The following MYH11 variants were observed in gnomAD, a reference collection of about 807,000 sequenced individuals.
MYH11 encodes the protein myosin-11.
MYH11 carries 80 observed loss-of-function variants against 246.6 expected under a neutral mutation model. The ratio of observed to expected loss-of-function variants is 0.32; its 90% CI spans 0.27 to 0.39. The LOEUF (loss-of-function observed/expected upper bound fraction) is 0.39. Ranked by LOEUF, MYH11 falls within the 10% of genes least tolerant of loss-of-function variation. MYH11 has a pLI of 1.00. For missense variants in MYH11, 2,158 were observed against 2,546.8 expected (o/e 0.85, Z 3.29); for synonymous variants, 1,071 against 1,015.5 (o/e 1.05, Z -1.04).
chr16:15,739,603 G>A (rs2041214100), intron 23 of MYH11, among the ~76,000 whole-genome samples: 1 of 152,194 alleles, frequency 6.6e-6, no homozygotes, highest in African/African-American at 2.4e-5. Context: ...AGCAGGTGGG[G>A]CTGGTTAGTG....
chr16:15,726,704 C>G, intron 28 of MYH11, 144 bp downstream of exon 28: 1 of 935,056 alleles, frequency 1.1e-6, no homozygotes. Context: ...ACAGGGAGAT[C>G]ATCGCCTCTC....
intron 3 of MYH11, among the ~76,000 whole-genome samples, chr16:15,817,460 G>C (rs1256197015): frequency 6.6e-6 from 1 of 152,094 alleles, no homozygotes; most frequent in Non-Finnish European, 1.5e-5. Context: ...CCACTGAGCT[G>C]AGATCGTGCT....
chr16:15,750,371 C>T lies in MYH11; in HGVS notation c.1865-40G>A, dbSNP rs754215653. ...CAGGGTGGCATCAGCCTCTGGCCCA[C>T]CCACCCCTAAATAGGCCAGAGGCTC... is the stretch of plus-strand genomic sequence containing the variant. On this transcript the variant is annotated intron_variant, in intron 15 of 40. Transcript: ENST00000300036. This position sits in a 1 kb window ranked among gnomAD's most constrained non-coding sequence, Gnocchi z 4.3. 6.5e-7 allele frequency: 1 copy of T among 1,548,984 alleles called. No homozygotes were observed.
chr16:15,799,621 G>A (rs1405687806), intron 3 of MYH11, among the ~76,000 whole-genome samples: 2 of 152,204 alleles, frequency 1.3e-5, no homozygotes, highest in Non-Finnish European at 2.9e-5. Context: ...CTCTGAGGTG[G>A]AGCCAGGCTC....
At chr16:15,708,739 G>A (rs914265949) in intron 40 of MYH11, 23 of 1,518,836 alleles carry the variant, frequency 1.5e-5, no homozygotes, top group South Asian at 1.1e-4. Flanking sequence ...GCAGAGGGGC[G>A]CATTGGGCAG....
At chr16:15,719,137 T>A in intron 36 of MYH11, 83 bp downstream of exon 36, 1 of 1,416,390 alleles carries the variant, frequency 7.1e-7, no homozygotes, top group East Asian at 2.3e-5. Flanking sequence ...CGAAAAAATT[T>A]AAAAAATAAA....
chr16:15,745,243 G>A lies in MYH11; in HGVS notation c.2412-6C>T. On this transcript the variant is annotated splice_region_variant and splice_polypyrimidine_tract_variant and intron_variant, in intron 19 of 40. Coordinates refer to ENST00000300036, the MANE Select transcript of MYH11 (RefSeq NM_002474.3). ...GCTGCCTCTTGGCAAAAGCCCTAGG[G>A]AGGGGGGAAGAGAAGGTGCGGGGGT... is the stretch of plus-strand genomic sequence containing the variant. 6.2e-7 allele frequency: 1 copy of A among 1,610,346 alleles called. No individual in the cohort carries two copies. The highest frequency in any genetic ancestry group is 8.5e-7 in the Non-Finnish European group (1 of 1,177,006).
chr16:15,841,448 T>G lies in MYH11; in HGVS notation c.-17-3179A>C, dbSNP rs7197513. Among the ~76,000 whole-genome samples the G allele has an allele frequency of 5.6e-3, 848 of 152,302 alleles. 10 individuals carry two copies. Among genetic ancestry groups the G allele is most frequent in the African/African-American group, 0.019 (792 of 41,574 alleles). ...CCACTGTGCCCAGCCCCAAATGCAT[T>G]ATTTTTTAAATGGGTACAGAAAGTG... is the stretch of plus-strand genomic sequence containing the variant. On this transcript the variant is annotated intron_variant, in intron 1 of 40. Transcript: ENST00000300036.
intron 3 of MYH11, among the ~76,000 whole-genome samples, chr16:15,813,661 C>G (rs1008956126): frequency 2.0e-5 from 3 of 152,008 alleles, no homozygotes; most frequent in African/African-American, 4.8e-5. Context: ...CCTTCCTAAA[C>G]CTTACTAAAA....
At chr16:15,820,162 G>GTCATCTCTAC (rs1332485161) in intron 3 of MYH11, among the ~76,000 whole-genome samples, 4 of 152,150 alleles carry the variant, frequency 2.6e-5, no homozygotes, top group Non-Finnish European at 5.9e-5. Flanking sequence ...GACCAACATG[G>GTCATCTCTAC]TAAAGCCCCA....
At chr16:15,767,721 T>C (rs186159551) in intron 9 of MYH11, among the ~76,000 whole-genome samples, 1 of 152,114 alleles carries the variant, frequency 6.6e-6, no homozygotes, top group East Asian at 1.9e-4. Flanking sequence ...GGGCCCTACA[T>C]TTAATGTCAA....
rs887147001 is a variant in MYH11 at position 15,724,468 on chromosome 16, G to A, written c.4117-59C>T. ...GGGACCATGAGTGGCCCCTGTCCCT[G>A]GCCCCACAGACTCTGAGAAGCGAAG... On this transcript the variant is annotated intron_variant, in intron 30 of 40. Transcript: ENST00000300036. The A allele has an allele frequency of 1.2e-5, 19 of 1,610,394 alleles. No homozygotes were observed. The African/African-American group carries it at 1.3e-4, about 11-fold the overall frequency.
At chr16:15,818,715 C>T (rs149776018) in intron 3 of MYH11, among the ~76,000 whole-genome samples, 2,270 of 152,248 alleles carry the variant, frequency 0.015, 62 homozygotes, top group African/African-American at 0.049. Context: ...GGATTACAGG[C>T]GTTAGCCACC....
Position 15,708,351 on chromosome 16 carries a change from G to A in MYH11, c.5787-4228C>T, listed in dbSNP as rs72772013. ...TGTGACCCAGACCAGCCAACTAGAA[G>A]CCAAGTACGTTCTCCAGGAATGTGC... On this transcript the variant is annotated intron_variant, in intron 40 of 40. Coordinates refer to ENST00000300036, the MANE Select transcript of MYH11 (RefSeq NM_002474.3). Among the ~76,000 whole-genome samples the A allele has an allele frequency of 9.6e-3, 1,469 of 152,284 alleles. 16 individuals carry two copies. Among genetic ancestry groups the A allele is most frequent in the South Asian group, 0.039 (188 of 4,828 alleles).
chr16:15,721,818 G>T, intron 31 of MYH11, 184 bp from the exon 32 acceptor site: 1 of 646,696 alleles, frequency 1.5e-6, no homozygotes, highest in Non-Finnish European at 2.7e-6. Context: ...TCAACCTTAT[G>T]CAGAGCCAGA....
rs2041231978 is a variant in MYH11, at chr16:15,740,129, C to A, written c.2919G>T (p.Lys973Asn). Residue 973 changes from lysine to asparagine, a missense_variant, in exon 23 of 41, where the codon AAG (lysine) becomes AAT (asparagine). By Grantham distance (94) the Lys-to-Asn change is moderately conservative (BLOSUM62 0). Around this residue, in one of 11 missense-constraint regions of MYH11, gnomAD observed 284 missense variants for 315.4 expected, o/e 0.90. Transcript: ENST00000300036. ...TCTTGATCTTGGCCTCAGCCGTGAC[C>A]TTCTCAAGTTGCAGCTTCTGCCTGG... ...EAARQKLQLEKVTAEAKIKKL... is the reference protein window; with the variant it reads ...EAARQKLQLENVTAEAKIKKL... 6.2e-7 allele frequency: 1 copy of A among 1,614,214 alleles called. No individual in the cohort carries two copies.
At chr16:15,773,364 C>T (rs1210549535) in intron 8 of MYH11, among the ~76,000 whole-genome samples, 1 of 146,308 alleles carries the variant, frequency 6.8e-6, no homozygotes, top group Non-Finnish European at 1.5e-5. Flanking sequence ...ATTGGCTGCT[C>T]ACTGCAACCT....
rs57451847 is a variant in MYH11, at chr16:15,705,984, C to CAAAAA, written c.5787-1866_5787-1862dup. On this transcript the variant is annotated intron_variant, in intron 40 of 40. Transcript: ENST00000300036. ...TAGGCGACAGGGTGAGACTCCGTCT[C>CAAAAA]AAAAAAAAAAAAAAAAAAAAATCAA... Among the ~76,000 whole-genome samples, 12 of 56,766 alleles carry CAAAAA rather than the reference C, an allele frequency of 2.1e-4. 1 individual carries two copies. Among genetic ancestry groups the CAAAAA allele is most frequent in the East Asian group, 5.2e-4 (1 of 1,916 alleles). 37.2% of individuals were successfully genotyped at this position (56,766 alleles called of 152,430 possible). A position where few individuals can be genotyped will look rare whatever the true frequency, so the allele number is the denominator to read the frequency against.
At chr16:15,718,245 T>C (rs951407799) in intron 37 of MYH11, 70 bp downstream of exon 37, 1 of 1,601,648 alleles carries the variant, frequency 6.2e-7, no homozygotes, top group African/African-American at 1.3e-5. Flanking sequence ...ACGCGTGTGT[T>C]GACTGGTGCA....
Sources: gnomAD v4.1 joint callset for allele counts (sites outside exome capture counted in the v4.1 genomes callset) on GRCh38, gnomAD v4.1.1 for gene constraint, gnomAD v4.1.1 regional missense constraint, Gnocchi (gnomAD v3.1) non-coding constraint, MANE v1.5 for transcripts, NCBI Gene and HGNC (gene_info 2026-07-23, HGNC 2026-07-21) for gene names.